PDK3: variants seen among roughly 807,000 people sequenced by gnomAD.
PDK3 encodes the protein pyruvate dehydrogenase kinase, isozyme 3.
PDK3 carries 12 observed loss-of-function variants against 32.0 expected under a neutral mutation model. The ratio of observed to expected loss-of-function variants is 0.37; its 90% CI spans 0.24 to 0.61. PDK3 has a LOEUF of 0.61. PDK3 is among the 20% of genes least tolerant of loss of function. The probability of loss-of-function intolerance (pLI) is 0.65; values close to 1 mark genes in which losing one functional copy is unlikely to be tolerated. For missense variants in PDK3, 188 were observed against 316.9 expected (o/e 0.59, Z 3.09); for synonymous variants, 122 against 116.3 (o/e 1.05, Z -0.31).
exon 12 of PDK3, chrX:24,545,399 A>T (rs1248995768): frequency 8.9e-6 from 1 of 112,304 alleles, no homozygotes; most frequent in Non-Finnish European, 1.9e-5. Flanking sequence ...AAGCACACTG[A>T]GTTAATGTTT....
chrX:24,484,686 C>T (rs964539159), intron 1 of PDK3, among the ~76,000 whole-genome samples: 9 of 112,019 alleles, frequency 8.0e-5, no homozygotes, highest in African/African-American at 2.6e-4. Flanking sequence ...AAGGGTACCA[C>T]GGGTGTCAGA....
chrX:24,522,129 C>T (rs1298449216), intron 6 of PDK3, among the ~76,000 whole-genome samples: 1 of 111,974 alleles, frequency 8.9e-6, no homozygotes, highest in Non-Finnish European at 1.9e-5. Flanking sequence ...GCATTTGGAG[C>T]AATGACTGTA....
chrX:24,476,268 C>T (rs767031363), intron 1 of PDK3, among the ~76,000 whole-genome samples: 36 of 110,833 alleles, frequency 3.2e-4, no homozygotes, highest in African/African-American at 1.0e-3. Context: ...ATTCAATCAA[C>T]CTCAGATAGA....
intron 2 of PDK3, 111 bp downstream of exon 2, chrX:24,494,994 T>A: frequency 1.7e-6 from 1 of 604,346 alleles, no homozygotes; most frequent in Non-Finnish European, 2.6e-6. Flanking sequence ...TAGGAATGAG[T>A]CATTTGGGAT....
At chrX:24,474,563 G>A (rs1456993258) in intron 1 of PDK3, among the ~76,000 whole-genome samples, 2 of 109,788 alleles carry the variant, frequency 1.8e-5, no homozygotes, top group Non-Finnish European at 3.8e-5. Context: ...ACAGGCATGC[G>A]CCACCACGCC....
In PDK3 at chrX:24,526,216, C is replaced by G. The variant is rs1051776582; in HGVS notation, c.692C>G (p.Pro231Arg). ...TTTTCAGCCAAAGCGCCAGACAAAC[C>G]TATTCAGGTGGTTTATGTGCCCTCA... ...EEFNAKAPDKPIQVVYVPSHL... is the reference protein window; with the variant it reads ...EEFNAKAPDKRIQVVYVPSHL... Residue 231 changes from proline (P) to arginine (R), a missense_variant, in exon 7 of 11, where the codon CCT becomes CGT. Transcript: ENST00000379162. 5.8e-6 allele frequency: 7 copies of G among 1,206,671 alleles called. No individual in the cohort carries two copies. The Admixed American group carries it at 1.5e-4, about 26-fold the overall frequency.
chrX:24,496,107 C>T (rs1921692932), intron 2 of PDK3, among the ~76,000 whole-genome samples: 1 of 111,815 alleles, frequency 8.9e-6, no homozygotes, highest in African/African-American at 3.3e-5. Flanking sequence ...AAATGCATGC[C>T]ATTTCTTCCT....
At chrX:24,477,376 C>T in intron 1 of PDK3, among the ~76,000 whole-genome samples, 1 of 111,683 alleles carries the variant, frequency 9.0e-6, no homozygotes, top group Non-Finnish European at 1.9e-5. Flanking sequence ...GCATAAATTC[C>T]TGTGTATATT....
chrX:24,493,793 C>A (rs778530169), intron 1 of PDK3, among the ~76,000 whole-genome samples: 1 of 112,339 alleles, frequency 8.9e-6, no homozygotes, highest in South Asian at 3.7e-4. Context: ...AAAGGTTTCA[C>A]AACCTGCAAA....
intron 1 of PDK3, among the ~76,000 whole-genome samples, chrX:24,486,477 G>T (rs779701831): frequency 9.0e-6 from 1 of 111,382 alleles, no homozygotes; most frequent in Admixed American, 9.6e-5. Flanking sequence ...CTAAATTCCT[G>T]ACTCACAGCA....
At chrX:24,539,429 C>T (rs1922843948) in exon 12 of PDK3, 2 of 340,879 alleles carry the variant, frequency 5.9e-6, no homozygotes, top group African/African-American at 5.2e-5. Flanking sequence ...AGCCTCCTTA[C>T]AGCTCTTGTG....
chrX:24,467,969 A>G (rs1940078353), intron 1 of PDK3, among the ~76,000 whole-genome samples: 3 of 111,953 alleles, frequency 2.7e-5, no homozygotes, highest in Admixed American at 9.5e-5. Flanking sequence ...TGGCATAAAC[A>G]AAATAGATGG....
At chrX:24,473,298 T>G (rs1255820807) in intron 1 of PDK3, among the ~76,000 whole-genome samples, 1 of 106,315 alleles carries the variant, frequency 9.4e-6, no homozygotes, top group African/African-American at 3.4e-5. Flanking sequence ...TACTTGAACC[T>G]GGGAGGTGGA....
chrX:24,508,602 G>A (rs920036997), intron 5 of PDK3, among the ~76,000 whole-genome samples: 2 of 111,494 alleles, frequency 1.8e-5, no homozygotes, highest in African/African-American at 6.5e-5. Context: ...AGGAGGAATC[G>A]ACTGTGATTT....
chrX:24,481,363 C>A (rs1394218354), intron 1 of PDK3, among the ~76,000 whole-genome samples: 1 of 112,234 alleles, frequency 8.9e-6, no homozygotes, highest in East Asian at 2.8e-4. Context: ...TTTTCCTTGG[C>A]TGTTTACTCC....
Position 24,528,067 on chromosome X carries a change from ACATTG to A in PDK3, c.853-6_853-2del, listed in dbSNP as rs1251885888. The A allele has an allele frequency of 1.9e-6, 2 of 1,034,236 alleles. No homozygotes were observed. The highest frequency in any genetic ancestry group is 3.7e-5 in the African/African-American group (2 of 53,793). 85.2% of individuals were successfully genotyped at this position (1,034,236 alleles called of 1,213,427 possible). On this transcript the variant is annotated splice_polypyrimidine_tract_variant and splice_region_variant and intron_variant, in intron 8 of 10. Transcript: ENST00000379162. ...TTTGTTTTGATTGTTAACATTTTGA[ACATTG>A]CAGATCAGTGACCTAGGTGGTGGTG...
chrX:24,529,588 T>C (rs1305338582), intron 9 of PDK3, among the ~76,000 whole-genome samples: 1 of 110,444 alleles, frequency 9.1e-6, no homozygotes, highest in Admixed American at 9.7e-5. Flanking sequence ...TGAAACCCTG[T>C]CTCTACTAAA....
chrX:24,542,150 T>A (rs1922905879), exon 12 of PDK3, among the ~76,000 whole-genome samples: 1 of 111,799 alleles, frequency 8.9e-6, no homozygotes, highest in South Asian at 3.7e-4. Flanking sequence ...CTTTTTATAG[T>A]GCTAAGAGAT....
chrX:24,518,836 TGC>T, intron 5 of PDK3, 95 bp from the exon 6 acceptor site: 1 of 404,090 alleles, frequency 2.5e-6, no homozygotes, highest in Non-Finnish European at 4.0e-6. Context: ...CATGCACATG[TGC>T]ACACACACAC....
Sources: gnomAD v4.1 joint callset for allele counts (sites outside exome capture counted in the v4.1 genomes callset) on GRCh38, gnomAD v4.1.1 for gene constraint, MANE v1.5 for transcripts, NCBI Gene and HGNC (gene_info 2026-07-23, HGNC 2026-07-21) for gene names.